Variants in EFNA5 observed in about 807,000 individuals in gnomAD.
EFNA5 encodes ephrin A5.
EFNA5 carries 5 observed loss-of-function variants against 22.9 expected under a neutral mutation model. The ratio of observed to expected loss-of-function variants is 0.22; its 90% CI spans 0.11 to 0.46. EFNA5 has a LOEUF of 0.46. EFNA5 is among the 20% of genes least tolerant of loss of function. EFNA5 has a pLI of 0.99. For synonymous variants in EFNA5, 113 were observed against 112.2 expected, an observed-to-expected ratio of 1.01 and a Z score of -0.04; for missense variants, 237 against 293.3, an observed-to-expected ratio of 0.81 and a Z score of 1.40.
chr5:107,622,404 T>C (rs1021775608), intron 1 of EFNA5, among the ~76,000 whole-genome samples: 1 of 152,210 alleles, frequency 6.6e-6, no homozygotes, highest in Non-Finnish European at 1.5e-5. Flanking sequence ...TATTTGAGTA[T>C]GGGTATTAAA....
At chr5:107,600,872 G>C (rs13358500) in intron 1 of EFNA5, among the ~76,000 whole-genome samples, 13,128 of 152,136 alleles carry the variant, frequency 0.086, 1,148 homozygotes, top group African/African-American at 0.22. Flanking sequence ...CCCGTGAAAA[G>C]CTGAGGACAG....
At chr5:107,406,306 C>T (rs1214490258) in intron 2 of EFNA5, among the ~76,000 whole-genome samples, 1 of 151,774 alleles carries the variant, frequency 6.6e-6, no homozygotes, top group East Asian at 2.0e-4. Flanking sequence ...ATTACATTTG[C>T]ACCAACTTAA....
chr5:107,520,539 G>A (rs1747572661), intron 1 of EFNA5, among the ~76,000 whole-genome samples: 1 of 152,184 alleles, frequency 6.6e-6, no homozygotes, highest in Non-Finnish European at 1.5e-5. Flanking sequence ...CTGTGTCTAG[G>A]TGAGTCCAAA....
At chr5:107,485,457 T>C (rs1291904136) in intron 1 of EFNA5, among the ~76,000 whole-genome samples, 2 of 152,186 alleles carry the variant, frequency 1.3e-5, no homozygotes. Flanking sequence ...GCAAGTCCTA[T>C]TACTACTGAA....
intron 1 of EFNA5, among the ~76,000 whole-genome samples, chr5:107,561,560 G>T (rs1411017960): frequency 2.6e-5 from 4 of 151,996 alleles, no homozygotes; most frequent in Admixed American, 6.5e-5. Flanking sequence ...AGTAAAGATG[G>T]GGTTTCACCA....
rs886342582 is a variant in EFNA5 at position 107,670,740 on chromosome 5, G to A, written c.-127C>T. On this transcript the variant is annotated 5_prime_UTR_variant, in exon 1 of 5. Coordinates refer to ENST00000333274, the MANE Select transcript of EFNA5 (RefSeq NM_001962.3). ...CAAATAAATATGAATAAATAAAAAT[G>A]AAAGTGGGCGAGAAAGGAAAGAGGC... 1 of 1,373,352 alleles carries A rather than the reference G, an allele frequency of 7.3e-7. No individual in the cohort carries two copies. The highest frequency in any genetic ancestry group is 9.8e-7 in the Non-Finnish European group (1 of 1,021,030). 85.1% of individuals were successfully genotyped at this position (1,373,352 alleles called of 1,614,324 possible).
intron 1 of EFNA5, among the ~76,000 whole-genome samples, chr5:107,636,893 G>A (rs1208390036): frequency 6.6e-6 from 1 of 152,200 alleles, no homozygotes; most frequent in Non-Finnish European, 1.5e-5. Flanking sequence ...AGCATGAAAA[G>A]TATTTAGTGT....
chr5:107,596,171 C>T (rs1459411250), intron 1 of EFNA5, among the ~76,000 whole-genome samples: 2 of 152,048 alleles, frequency 1.3e-5, no homozygotes, highest in Non-Finnish European at 2.9e-5. Flanking sequence ...TCATTTTAGC[C>T]ATTTTAAGTG....
intron 1 of EFNA5, among the ~76,000 whole-genome samples, chr5:107,450,621 G>A (rs1749534566): frequency 6.6e-6 from 1 of 152,190 alleles, no homozygotes; most frequent in South Asian, 2.1e-4. Context: ...CAATTAGAGG[G>A]ATAAGGGTGA....
chr5:107,606,519 GACAC>G (rs1050256957), intron 1 of EFNA5, among the ~76,000 whole-genome samples: 9 of 140,684 alleles, frequency 6.4e-5, no homozygotes, highest in Admixed American at 5.2e-4. Flanking sequence ...CCAAATCATA[GACAC>G]ACACTTGCAC....
chr5:107,670,380 C>A, intron 1 of EFNA5, 109 bp downstream of exon 1: 1 of 1,376,292 alleles, frequency 7.3e-7, no homozygotes, highest in Non-Finnish European at 9.5e-7. Flanking sequence ...GACGCAGGCT[C>A]CGAGGGTGCG....
At chr5:107,591,951 A>AATATATAAT (rs1561443042) in intron 1 of EFNA5, among the ~76,000 whole-genome samples, 1 of 12,392 alleles carries the variant, frequency 8.1e-5, no homozygotes, top group Admixed American at 1.5e-3. Context: ...TATTATATAT[A>AATATATAAT]ATATATAATA....
At chr5:107,417,702 C>T (rs1429281797) in intron 2 of EFNA5, among the ~76,000 whole-genome samples, 3 of 152,238 alleles carry the variant, frequency 2.0e-5, no homozygotes, top group Admixed American at 1.3e-4. Context: ...GTGAGAGCTT[C>T]GGAGCCTAGA....
At chr5:107,667,349 A>G (rs1177329782) in intron 1 of EFNA5, among the ~76,000 whole-genome samples, 1 of 152,096 alleles carries the variant, frequency 6.6e-6, no homozygotes, top group African/African-American at 2.4e-5. Context: ...CTGGGTACAT[A>G]GATTGTAACA....
chr5:107,591,950 TA>T lies in EFNA5; in HGVS notation c.125+78538del, dbSNP rs1484536175. On this transcript the variant is annotated intron_variant, in intron 1 of 4. Transcript: ENST00000333274. ...TAATATATAATATATATATTATATA[TA>T]ATATATAATATATATAATATATATA... Among the ~76,000 whole-genome samples, 4 of 17,316 alleles carry T rather than the reference TA, an allele frequency of 2.3e-4. 1 individual carries two copies. Among genetic ancestry groups the T allele is most frequent in the African/African-American group, 1.2e-3 (3 of 2,404 alleles). The allele number at this position is 17,316 out of a possible 152,430, so 11.4% of individuals were successfully genotyped here.
intron 1 of EFNA5, among the ~76,000 whole-genome samples, chr5:107,613,097 T>TA (rs540889341): frequency 2.1e-3 from 313 of 146,914 alleles, no homozygotes; most frequent in African/African-American, 6.7e-3. Flanking sequence ...TCTTTCGCAA[T>TA]AAAAAAAAAA....
At chr5:107,453,997 T>C (rs1391452181) in intron 1 of EFNA5, among the ~76,000 whole-genome samples, 2 of 152,168 alleles carry the variant, frequency 1.3e-5, no homozygotes, top group Admixed American at 6.6e-5. Context: ...CATAGCAGAA[T>C]GAATGCCAGA....
chr5:107,388,995 A>T (rs189944421), intron 2 of EFNA5, among the ~76,000 whole-genome samples: 1 of 152,350 alleles, frequency 6.6e-6, no homozygotes, highest in Middle Eastern at 3.4e-3. Flanking sequence ...TCTAGATCCA[A>T]GTAACCCTCC....
chr5:107,602,458 G>A (rs535782441), intron 1 of EFNA5, among the ~76,000 whole-genome samples: 55 of 152,262 alleles, frequency 3.6e-4, no homozygotes, highest in Admixed American at 9.2e-4. Context: ...CATTAGAAGG[G>A]AAAGTGGAAT....
Sources: allele counts gnomAD v4.1 joint callset (sites outside exome capture counted in the v4.1 genomes callset), GRCh38; gene constraint gnomAD v4.1.1; transcripts MANE v1.5; gene names NCBI Gene and HGNC (gene_info 2026-07-23, HGNC 2026-07-21).